XK: variants seen among roughly 807,000 people sequenced by gnomAD.
The protein encoded by XK is endoplasmic reticulum membrane adapter protein XK.
A neutral mutation model predicts 14.0 loss-of-function variants in XK; 2 were observed. The ratio of observed to expected loss-of-function variants is 0.14; its 90% CI spans 0.06 to 0.45. XK has a LOEUF of 0.45. Ranked by LOEUF, XK falls within the 20% of genes least tolerant of loss-of-function variation. The pLI, the probability that XK is intolerant of heterozygous loss-of-function variation, is 0.98. For missense variants in XK, 235 were observed against 341.5 expected, an observed-to-expected ratio of 0.69 and a Z score of 2.46; for synonymous variants, 149 against 147.5, an observed-to-expected ratio of 1.01 and a Z score of -0.08.
At chrX:37,687,790 A>G (rs1602143449) in intron 1 of XK, among the ~76,000 whole-genome samples, 1 of 111,525 alleles carries the variant, frequency 9.0e-6, no homozygotes, top group Non-Finnish European at 1.9e-5. Flanking sequence ...GCAGAATCCT[A>G]GAAAGGAAAA....
chrX:37,719,620 AT>A (rs1260916606), intron 2 of XK, among the ~76,000 whole-genome samples: 1 of 110,866 alleles, frequency 9.0e-6, no homozygotes, highest in Non-Finnish European at 1.9e-5. Flanking sequence ...TAATTATGGT[AT>A]TTTTTTAGTT....
chrX:37,691,696 T>A (rs1408115157), intron 1 of XK, among the ~76,000 whole-genome samples: 2 of 112,684 alleles, frequency 1.8e-5, no homozygotes, highest in Non-Finnish European at 3.7e-5. Context: ...TCTGTATATA[T>A]TTTTTATATA....
chrX:37,705,451 C>CAA (rs201945450), intron 2 of XK, among the ~76,000 whole-genome samples: 74 of 84,947 alleles, frequency 8.7e-4, no homozygotes, highest in Non-Finnish European at 1.0e-3. Flanking sequence ...GACTCTGTCT[C>CAA]AAAAAAAAAA....
intron 2 of XK, among the ~76,000 whole-genome samples, chrX:37,722,326 T>C (rs1400555471): frequency 9.0e-6 from 1 of 111,188 alleles, no homozygotes; most frequent in Non-Finnish European, 1.9e-5. Flanking sequence ...CATAGGCAGA[T>C]TCATACACTA....
chrX:37,688,915 A>G (rs1339468830), intron 1 of XK, among the ~76,000 whole-genome samples: 1 of 112,075 alleles, frequency 8.9e-6, no homozygotes, highest in Non-Finnish European at 1.9e-5. Context: ...AAACTATATA[A>G]TAAAACAATT....
chrX:37,720,920 G>A (rs1556448798), intron 2 of XK, among the ~76,000 whole-genome samples: 1 of 111,586 alleles, frequency 9.0e-6, no homozygotes, highest in African/African-American at 3.2e-5. Context: ...TCCATTGACA[G>A]ACACATAGTT....
At chrX:37,724,802 T>C (rs1332938248) in intron 2 of XK, among the ~76,000 whole-genome samples, 3 of 107,358 alleles carry the variant, frequency 2.8e-5, no homozygotes, top group African/African-American at 1.0e-4. Context: ...AACTCAACAA[T>C]AAGAAAACAA....
intron 2 of XK, among the ~76,000 whole-genome samples, chrX:37,710,489 T>A (rs1927641318): frequency 9.0e-6 from 1 of 111,674 alleles, no homozygotes; most frequent in Admixed American, 9.5e-5. Context: ...TGTTGTTTAC[T>A]TGTAAGGAAA....
intron 1 of XK, among the ~76,000 whole-genome samples, chrX:37,691,459 A>T (rs1334148227): frequency 8.9e-6 from 1 of 112,302 alleles, no homozygotes; most frequent in Non-Finnish European, 1.9e-5. Context: ...TATCTTTACT[A>T]ATATTTTTAT....
At position 37,694,562 on chromosome X, in the gene XK, T is replaced by C; in HGVS notation, c.508+14T>C. The C allele has an allele frequency of 2.5e-6, 3 of 1,184,848 alleles. No homozygotes were observed. Among genetic ancestry groups the C allele is most frequent in the Non-Finnish European group, 3.4e-6 (3 of 880,442 alleles). ...CTGTTGGAAGAAGTACGTGTATTTT[T>C]TATTTCTGCCTGCATTTGGGGATCA... On this transcript the variant is annotated intron_variant, in intron 2 of 2. Transcript: ENST00000378616.
chrX:37,699,441 C>T (rs782028642), intron 2 of XK, among the ~76,000 whole-genome samples: 1 of 112,057 alleles, frequency 8.9e-6, no homozygotes, highest in Non-Finnish European at 1.9e-5. Flanking sequence ...TATAAGATAA[C>T]CCAAAGGACA....
intron 2 of XK, among the ~76,000 whole-genome samples, chrX:37,705,296 A>C (rs1195812102): frequency 9.1e-5 from 10 of 109,545 alleles, no homozygotes; most frequent in Non-Finnish European, 1.7e-4. Context: ...ATACAAAAAA[A>C]AAAAAATTAG....
chrX:37,706,041 A>G (rs1556445082), intron 2 of XK, among the ~76,000 whole-genome samples: 1 of 110,908 alleles, frequency 9.0e-6, no homozygotes, highest in Non-Finnish European at 1.9e-5. Flanking sequence ...AATTTTATCT[A>G]ATATCTGTCT....
intron 1 of XK, among the ~76,000 whole-genome samples, chrX:37,689,240 G>C (rs1927158024): frequency 8.9e-6 from 1 of 112,296 alleles, no homozygotes; most frequent in Non-Finnish European, 1.9e-5. Flanking sequence ...GTGGTTCCAA[G>C]TCTCTTAGCT....
intron 2 of XK, among the ~76,000 whole-genome samples, chrX:37,725,885 A>G (rs1454132124): frequency 8.9e-6 from 1 of 111,951 alleles, no homozygotes; most frequent in East Asian, 2.8e-4. Flanking sequence ...CAACTATATA[A>G]CATTCTGGAA....
rs28998772 is a variant in XK at position 37,704,749 on chromosome X, C to T, written c.508+10201C>T. 8.0e-3 allele frequency among the ~76,000 whole-genome samples: 887 copies of T among 110,941 alleles called. 1 individual carries two copies. The highest frequency in any genetic ancestry group is 0.027 in the African/African-American group (837 of 30,458). On this transcript the variant is annotated intron_variant, in intron 2 of 2. Coordinates refer to ENST00000378616, the MANE Select transcript of XK (RefSeq NM_021083.4). ...ACTCGGGAGGCTGAGGCAGGAGAAT[C>T]GCTTGAACCCTGGAGGTGGAGGTGG...
chrX:37,718,249 A>C (rs1927803656), intron 2 of XK, among the ~76,000 whole-genome samples: 1 of 110,535 alleles, frequency 9.0e-6, no homozygotes. Context: ...TTCCTCACCC[A>C]CCTCCCCCAA....
At position 37,728,670 on chromosome X, in the gene XK, G is replaced by A; in HGVS notation, c.*208G>A. On this transcript the variant is annotated 3_prime_UTR_variant, in exon 3 of 3. Transcript: ENST00000378616. ...TCTGAGTGTTGAAGGGGCAACCCAA[G>A]GCATCACAGTTCACAGGTAACCATG... 2 of 444,342 alleles carry A rather than the reference G, an allele frequency of 4.5e-6. No individual in the cohort carries two copies. The highest frequency in any genetic ancestry group is 3.3e-5 in the South Asian group (1 of 30,287). The allele number at this position is 444,342 out of a possible 1,213,427, so 36.6% of individuals were successfully genotyped here.
intron 2 of XK, among the ~76,000 whole-genome samples, chrX:37,697,861 C>T (rs899436138): frequency 8.9e-6 from 1 of 112,141 alleles, no homozygotes; most frequent in African/African-American, 3.2e-5. Context: ...TACTAATCTA[C>T]TTCCTGTCTC....
Sources: gnomAD v4.1 joint callset for allele counts (sites outside exome capture counted in the v4.1 genomes callset) on GRCh38, gnomAD v4.1.1 for gene constraint, MANE v1.5 for transcripts, NCBI Gene and HGNC (gene_info 2026-07-23, HGNC 2026-07-21) for gene names.